The following NAV2 variants were observed in gnomAD, a reference collection of about 807,000 sequenced individuals.
NAV2 encodes helicase, APC down-regulated 1.
Under a neutral mutation model 223.2 loss-of-function variants are expected in NAV2, and 54 were observed. That is an observed-to-expected ratio of 0.24 (90% CI 0.19 to 0.30). The LOEUF is 0.30. NAV2 is among the 10% of genes least tolerant of loss of function. The pLI is 1.00. For synonymous variants in NAV2, 1,279 were observed against 1,239.3 expected, an observed-to-expected ratio of 1.03 and a Z score of -0.67; for missense variants, 2,806 against 3,147.5, an observed-to-expected ratio of 0.89 and a Z score of 2.60.
chr11:19,629,051 A>G (rs909460182), intron 1 of NAV2, among the ~76,000 whole-genome samples: 1 of 152,170 alleles, frequency 6.6e-6, no homozygotes, highest in African/African-American at 2.4e-5. Context: ...TGCTGAAAAT[A>G]TAAGAGTGGG....
At chr11:19,589,993 C>T (rs1299715989) in intron 1 of NAV2, among the ~76,000 whole-genome samples, 1 of 152,170 alleles carries the variant, frequency 6.6e-6, no homozygotes, top group Non-Finnish European at 1.5e-5. Flanking sequence ...CCTCAACTTC[C>T]TCAGTCTTGT....
At chr11:19,824,926 TG>T (rs1026820739) in intron 1 of NAV2, among the ~76,000 whole-genome samples, 3 of 152,200 alleles carry the variant, frequency 2.0e-5, no homozygotes, top group African/African-American at 7.2e-5. Flanking sequence ...CTACTATTGT[TG>T]CAAAATCATT....
At chr11:19,490,534 C>A (rs2042590478) in intron 1 of NAV2, among the ~76,000 whole-genome samples, 1 of 152,210 alleles carries the variant, frequency 6.6e-6, no homozygotes, top group Admixed American at 6.5e-5. Context: ...GAAGCAACTT[C>A]TCATTCATTT....
chr11:19,835,984 G>A (rs565453364), intron 2 of NAV2, among the ~76,000 whole-genome samples: 5 of 152,236 alleles, frequency 3.3e-5, no homozygotes, highest in East Asian at 1.9e-4. Context: ...ACCAGCTGCT[G>A]TCTTGGGCCT....
intron 1 of NAV2, among the ~76,000 whole-genome samples, chr11:19,778,517 A>G (rs577369344): frequency 1.3e-5 from 2 of 151,880 alleles, no homozygotes; most frequent in African/African-American, 4.8e-5. Context: ...AAAAACAAAA[A>G]CAAAACACAA....
chr11:19,368,241 G>A (rs1204685759), intron 1 of NAV2, among the ~76,000 whole-genome samples: 1 of 152,118 alleles, frequency 6.6e-6, no homozygotes, highest in Non-Finnish European at 1.5e-5. Flanking sequence ...TTCCTCTCCC[G>A]AGGCAAGGAA....
chr11:19,616,800 G>C (rs1360249064), intron 1 of NAV2, among the ~76,000 whole-genome samples: 1 of 152,016 alleles, frequency 6.6e-6, no homozygotes, highest in Non-Finnish European at 1.5e-5. Context: ...GTTCTTTTCA[G>C]TCCTCAGAAT....
chr11:19,640,390 C>T (rs2047631346), intron 1 of NAV2, among the ~76,000 whole-genome samples: 1 of 151,508 alleles, frequency 6.6e-6, no homozygotes, highest in Admixed American at 6.6e-5. Flanking sequence ...TATGTATGCA[C>T]ACAAATACAT....
intron 1 of NAV2, among the ~76,000 whole-genome samples, chr11:19,487,412 C>T (rs1441555252): frequency 6.6e-6 from 1 of 152,174 alleles, no homozygotes; most frequent in Non-Finnish European, 1.5e-5. Context: ...CTCGGGTAAT[C>T]CTCTCCCCTA....
intron 11 of NAV2, chr11:20,022,755 C>A (rs1161218100): frequency 9.0e-7 from 1 of 1,110,954 alleles, no homozygotes; most frequent in Non-Finnish European, 1.1e-6. Context: ...TGCAAACTCC[C>A]CTGGGACCAC....
At chr11:19,945,420 G>A (rs2046862289) in intron 8 of NAV2, among the ~76,000 whole-genome samples, 1 of 150,104 alleles carries the variant, frequency 6.7e-6, no homozygotes, top group Admixed American at 6.7e-5. Flanking sequence ...TGTTACCCAG[G>A]CTGGATTGCA....
At position 19,402,462 on chromosome 11, in the gene NAV2, T is replaced by C. The variant is rs558853359; in HGVS notation, c.75+51435T>C. On this transcript the variant is annotated intron_variant, in intron 1 of 37. Transcript: ENST00000360655. ...GTCTAGAGCAAGGTCCCCTGCTATA[T>C]GCTTTTGTAGCTCTTTTTGTATATT... is the stretch of plus-strand genomic sequence containing the variant. Among the ~76,000 whole-genome samples, 40 of 152,360 alleles carry C rather than the reference T, an allele frequency of 2.6e-4. 1 individual carries two copies. The highest frequency in any genetic ancestry group is 9.4e-4 in the African/African-American group (39 of 41,586).
chr11:19,522,875 C>T (rs1254605693), intron 1 of NAV2, among the ~76,000 whole-genome samples: 1 of 152,224 alleles, frequency 6.6e-6, no homozygotes, highest in Non-Finnish European at 1.5e-5. Flanking sequence ...TCAGCGTCCT[C>T]CATATACCAG....
chr11:20,079,261 G>A (rs570519360), intron 24 of NAV2, among the ~76,000 whole-genome samples: 22 of 152,244 alleles, frequency 1.4e-4, no homozygotes, highest in African/African-American at 4.1e-4. Context: ...GGCTGGTCTC[G>A]AACTTCTGAC....
intron 3 of NAV2, among the ~76,000 whole-genome samples, chr11:19,843,222 G>T (rs779253882): frequency 3.9e-5 from 6 of 152,194 alleles, no homozygotes; most frequent in African/African-American, 7.2e-5. Flanking sequence ...TACTTGAACT[G>T]CTGTGGCTCG....
intron 1 of NAV2, among the ~76,000 whole-genome samples, chr11:19,657,724 G>A (rs545532403): frequency 2.6e-5 from 4 of 152,234 alleles, no homozygotes; most frequent in Middle Eastern, 3.4e-3. Context: ...ACTGCTCTGC[G>A]GCTCCAGACC....
intron 1 of NAV2, among the ~76,000 whole-genome samples, chr11:19,792,235 C>T (rs1361038311): frequency 6.6e-6 from 1 of 152,230 alleles, no homozygotes; most frequent in Non-Finnish European, 1.5e-5. Context: ...GTGCCAGTGA[C>T]ATTCCTTCCT....
chr11:20,093,890 C>A (rs1203593055), intron 29 of NAV2, among the ~76,000 whole-genome samples: 2 of 152,140 alleles, frequency 1.3e-5, no homozygotes, highest in African/African-American at 4.8e-5. Flanking sequence ...ATGACTGTTT[C>A]TCGAATAAAT....
chr11:19,801,440 C>T (rs4757848), intron 1 of NAV2, among the ~76,000 whole-genome samples: 63,775 of 152,110 alleles, frequency 0.42, 13,956 homozygotes, highest in East Asian at 0.68. Context: ...GATTGCTAAA[C>T]GATACAAAGT....
Sources: gnomAD v4.1 joint callset for allele counts (sites outside exome capture counted in the v4.1 genomes callset) on GRCh38, gnomAD v4.1.1 for gene constraint, MANE v1.5 for transcripts, NCBI Gene and HGNC (gene_info 2026-07-23, HGNC 2026-07-21) for gene names.